ZBTB40: variants seen among roughly 807,000 people sequenced by gnomAD.
ZBTB40 encodes zinc finger and BTB domain containing 40.
A neutral mutation model predicts 117.5 loss-of-function variants in ZBTB40; 60 were observed. That is an observed-to-expected ratio of 0.51 (90% CI 0.41 to 0.63). The LOEUF (loss-of-function observed/expected upper bound fraction) is 0.63, where lower values mean the gene tolerates loss of function less well. Ranked by LOEUF, ZBTB40 falls within the 30% of genes least tolerant of loss-of-function variation. ZBTB40 has a pLI of 0.00. For missense variants in ZBTB40, 1,287 were observed against 1,498.5 expected, an observed-to-expected ratio of 0.86 and a Z score of 2.33; for synonymous variants, 525 against 577.1, an observed-to-expected ratio of 0.91 and a Z score of 1.29.
In ZBTB40 at chr1:22,522,233, T is replaced by C. The variant is rs1639545842; in HGVS notation, c.3212-144T>C. The C allele has an allele frequency of 7.6e-6, 6 of 788,342 alleles. No homozygotes were observed. In the South Asian group the frequency reaches 8.4e-5, roughly 11 times the overall value. The allele number at this position is 788,342 out of a possible 1,614,324, so 48.8% of individuals were successfully genotyped here. A position where few individuals can be genotyped will look rare whatever the true frequency, so the allele number is the denominator to read the frequency against. ...TCTTTACCACTAGATTGTACAAATA[T>C]ACCATAGGTTATAAGATTCCTGGCA... is the stretch of plus-strand genomic sequence containing the variant. On this transcript the variant is annotated intron_variant, in intron 15 of 17. Transcript: ENST00000375647.
chr1:22,493,527 G>A (rs138082577), intron 3 of ZBTB40, among the ~76,000 whole-genome samples: 1 of 152,246 alleles, frequency 6.6e-6, no homozygotes, highest in African/African-American at 2.4e-5. Flanking sequence ...ATGGTGTACA[G>A]TGTGATTAGT....
At chr1:22,466,373 T>G (rs1641255565) in intron 1 of ZBTB40, among the ~76,000 whole-genome samples, 1 of 152,196 alleles carries the variant, frequency 6.6e-6, no homozygotes, top group Non-Finnish European at 1.5e-5. Context: ...AGTGGATCCA[T>G]GTTTTCATTT....
chr1:22,520,664 GT>G (rs1472102357), intron 14 of ZBTB40, among the ~76,000 whole-genome samples: 1 of 152,180 alleles, frequency 6.6e-6, no homozygotes, highest in African/African-American at 2.4e-5. Context: ...ATTAGTTTGT[GT>G]TTGTTTAACT....
intron 12 of ZBTB40, among the ~76,000 whole-genome samples, chr1:22,516,087 G>A (rs899359725): frequency 6.6e-6 from 1 of 152,128 alleles, no homozygotes; most frequent in African/African-American, 2.4e-5. Flanking sequence ...AGGAAAGAAA[G>A]GAACTAAAGG....
chr1:22,453,303 T>C (rs957693134), intron 1 of ZBTB40, among the ~76,000 whole-genome samples: 10 of 152,350 alleles, frequency 6.6e-5, no homozygotes, highest in Non-Finnish European at 1.5e-4. Context: ...TCATTAGTGG[T>C]TTAACAAATG....
upstream of ZBTB40, among the ~76,000 whole-genome samples, chr1:22,451,491 A>C (rs1298510682): frequency 1.3e-5 from 2 of 152,000 alleles, no homozygotes; most frequent in African/African-American, 4.8e-5. Flanking sequence ...AAGAGAAAAA[A>C]AAAATTAGCA....
chr1:22,511,995 C>G lies in ZBTB40; in HGVS notation c.2322C>G (p.Thr774=). 1 of 1,614,088 alleles carries G rather than the reference C, an allele frequency of 6.2e-7. No individual in the cohort carries two copies. The highest frequency in any genetic ancestry group is 1.1e-5 in the South Asian group (1 of 91,080). ...TGCAGTGTAAGGAGTGCAGTGAGAC[C>G]AAGGATTCAAAGAAAGAGCTGGACA... ...KQVQCKECSE[T]KDSKKELDKH... is the part of the protein sequence containing the mutation. Residue 774 remains threonine (T), a synonymous_variant, in exon 11 of 18, where the codon ACC becomes ACG. Coordinates refer to ENST00000375647, the MANE Select transcript of ZBTB40 (RefSeq NM_014870.4).
chr1:22,455,470 C>T (rs1448802898), intron 1 of ZBTB40, among the ~76,000 whole-genome samples: 2 of 152,176 alleles, frequency 1.3e-5, no homozygotes, highest in Non-Finnish European at 2.9e-5. Context: ...TTGCACATGT[C>T]ATCAGAAGAC....
chr1:22,450,196 C>T (rs1396802797), upstream of ZBTB40, among the ~76,000 whole-genome samples: 3 of 152,152 alleles, frequency 2.0e-5, no homozygotes, highest in East Asian at 3.9e-4. Context: ...CCGCCTGCCT[C>T]GGCCTCCCAA....
At chr1:22,501,443 G>A (rs185197418) in intron 3 of ZBTB40, 49 bp from the exon 4 acceptor site, 13 of 1,605,674 alleles carry the variant, frequency 8.1e-6, no homozygotes, top group Admixed American at 6.7e-5. Flanking sequence ...AGGAGCGGAT[G>A]GTTCTTGTGG....
chr1:22,497,218 C>T (rs961491187), intron 3 of ZBTB40, among the ~76,000 whole-genome samples: 2 of 152,110 alleles, frequency 1.3e-5, no homozygotes, highest in African/African-American at 4.8e-5. Context: ...CTTTTTGGTC[C>T]ACTCTTCACC....
At chr1:22,498,309 A>G (rs1217583648) in intron 3 of ZBTB40, among the ~76,000 whole-genome samples, 1 of 152,228 alleles carries the variant, frequency 6.6e-6, no homozygotes, top group Non-Finnish European at 1.5e-5. Context: ...ATAGTAATTG[A>G]TGAATCCCTG....
intron 13 of ZBTB40, among the ~76,000 whole-genome samples, chr1:22,518,439 A>G (rs958616526): frequency 1.3e-5 from 2 of 152,192 alleles, no homozygotes; most frequent in African/African-American, 4.8e-5. Context: ...CAGTAATGCC[A>G]GATACTGTTA....
chr1:22,448,028 G>A (rs1474685218), upstream of ZBTB40, among the ~76,000 whole-genome samples: 1 of 152,138 alleles, frequency 6.6e-6, no homozygotes, highest in Admixed American at 6.5e-5. Context: ...ACATTTGACC[G>A]GACAGCAGCT....
intron 7 of ZBTB40, 86 bp from the exon 8 acceptor site, chr1:22,508,444 G>C: frequency 2.0e-6 from 3 of 1,505,442 alleles, no homozygotes; most frequent in Non-Finnish European, 2.8e-6. Flanking sequence ...CATATTCACT[G>C]TAACCCAATA....
At chr1:22,522,581 C>G in intron 16 of ZBTB40, 118 bp downstream of exon 16, 7 of 991,802 alleles carry the variant, frequency 7.1e-6, no homozygotes, top group Non-Finnish European at 1.1e-5. Context: ...TCGGTTTCTT[C>G]ATCTATAAAA....
At chr1:22,495,776 A>G (rs1042005820) in intron 3 of ZBTB40, among the ~76,000 whole-genome samples, 1 of 152,142 alleles carries the variant, frequency 6.6e-6, no homozygotes, top group Non-Finnish European at 1.5e-5. Flanking sequence ...TTGGCCTCCC[A>G]AAGTGCTGGG....
chr1:22,500,408 G>A (rs1335892407), intron 3 of ZBTB40, among the ~76,000 whole-genome samples: 1 of 152,138 alleles, frequency 6.6e-6, no homozygotes, highest in Non-Finnish European at 1.5e-5. Context: ...AGAGAAGTTT[G>A]CATAAAGGTG....
At chr1:22,464,863 T>C (rs113260806) in intron 1 of ZBTB40, among the ~76,000 whole-genome samples, 6 of 148,172 alleles carry the variant, frequency 4.0e-5, no homozygotes, top group South Asian at 2.2e-4. Flanking sequence ...TGCCTTTTTT[T>C]CCCCCACAAA....
Sources: allele counts gnomAD v4.1 joint callset (sites outside exome capture counted in the v4.1 genomes callset), GRCh38; gene constraint gnomAD v4.1.1; transcripts MANE v1.5; gene names NCBI Gene and HGNC (gene_info 2026-07-23, HGNC 2026-07-21).